Variants in TRAPPC9 observed in about 807,000 individuals in gnomAD.
TRAPPC9 encodes the protein IKK2 binding protein.
A neutral mutation model predicts 124.0 loss-of-function variants in TRAPPC9; 83 were observed. That is an observed-to-expected ratio of 0.67 (90% CI 0.56 to 0.80). The LOEUF is 0.80. Among genes scored for constraint, TRAPPC9 ranks in the 30% least tolerant of loss-of-function variants. The pLI, the probability that TRAPPC9 is intolerant of heterozygous loss-of-function variation, is 0.00. For synonymous variants in TRAPPC9, 638 were observed against 617.5 expected (o/e 1.03, Z -0.49); for missense variants, 1,302 against 1,508.3 (o/e 0.86, Z 2.27).
At chr8:140,455,605 A>G (rs1216899171) in intron 1 of TRAPPC9, among the ~76,000 whole-genome samples, 2 of 150,766 alleles carry the variant, frequency 1.3e-5, no homozygotes, top group South Asian at 2.1e-4. Context: ...TAATTTTTGT[A>G]TTTTTAGTAG....
intron 7 of TRAPPC9, among the ~76,000 whole-genome samples, chr8:140,382,497 G>A (rs535805092): frequency 3.2e-4 from 49 of 152,296 alleles, no homozygotes; most frequent in Non-Finnish European, 5.1e-4. Flanking sequence ...ATTATATCCC[G>A]CGCATGGCTG....
intron 16 of TRAPPC9, among the ~76,000 whole-genome samples, chr8:140,235,716 T>G (rs911413234): frequency 1.3e-5 from 2 of 152,196 alleles, no homozygotes; most frequent in African/African-American, 4.8e-5. Flanking sequence ...AAGAACCACT[T>G]TGAAAATCTG....
At chr8:140,217,561 A>C (rs530139909) in intron 17 of TRAPPC9, among the ~76,000 whole-genome samples, 1 of 151,976 alleles carries the variant, frequency 6.6e-6, no homozygotes, top group East Asian at 1.9e-4. Flanking sequence ...AGCATAATAC[A>C]AATAAATATA....
At chr8:139,978,791 C>T (rs1430736755) in intron 19 of TRAPPC9, among the ~76,000 whole-genome samples, 1 of 152,212 alleles carries the variant, frequency 6.6e-6, no homozygotes, top group Non-Finnish European at 1.5e-5. Flanking sequence ...GCGGGTGTGG[C>T]TGGGATTCTC....
intron 17 of TRAPPC9, among the ~76,000 whole-genome samples, chr8:140,197,929 G>A (rs548932739): frequency 3.2e-4 from 48 of 152,302 alleles, no homozygotes; most frequent in African/African-American, 1.1e-3. Flanking sequence ...GAGAAGGCTA[G>A]TTTTCCCCAG....
At chr8:140,438,494 T>G (rs1467490410) in intron 3 of TRAPPC9, among the ~76,000 whole-genome samples, 1 of 152,074 alleles carries the variant, frequency 6.6e-6, no homozygotes, top group African/African-American at 2.4e-5. Flanking sequence ...CAAGGTATAC[T>G]AAGAACAGAG....
intron 10 of TRAPPC9, among the ~76,000 whole-genome samples, chr8:140,308,890 AAAG>A (rs2066215503): frequency 1.3e-5 from 2 of 152,044 alleles, no homozygotes; most frequent in African/African-American, 4.8e-5. Context: ...CAAAAAAAAA[AAAG>A]AAAGAAAGAA....
At chr8:140,107,621 G>A (rs1474236044) in intron 17 of TRAPPC9, among the ~76,000 whole-genome samples, 1 of 152,226 alleles carries the variant, frequency 6.6e-6, no homozygotes, top group Non-Finnish European at 1.5e-5. Context: ...GGAGGAGAAA[G>A]CCAGTGCAAG....
intron 21 of TRAPPC9, among the ~76,000 whole-genome samples, chr8:139,778,063 G>GA (rs1018899588): frequency 6.6e-6 from 1 of 152,128 alleles, no homozygotes; most frequent in African/African-American, 2.4e-5. Flanking sequence ...GCAAGACACT[G>GA]AAAGTACCCA....
Position 140,360,147 on chromosome 8 carries a change from T to C in TRAPPC9, c.1398A>G (p.Glu466=), listed in dbSNP as rs372927413. The C allele has an allele frequency of 1.9e-6, 3 of 1,614,026 alleles. No homozygotes were observed. Among genetic ancestry groups the C allele is most frequent in the Non-Finnish European group, 2.5e-6 (3 of 1,180,040 alleles). Residue 466 remains glutamate, a synonymous_variant, in exon 9 of 23, where the codon GAA becomes GAG. Coordinates refer to ENST00000438773, the MANE Select transcript of TRAPPC9 (RefSeq NM_001160372.4). ...WAAVQMRLLH[E]LVYASRRMGN... ...CCATCCTTCGGGAGGCGTAGACCAA[T>C]TCATGGAGCAAACGCATCTGGACCG...
chr8:140,186,886 T>C (rs1033100452), intron 17 of TRAPPC9, among the ~76,000 whole-genome samples: 1 of 152,172 alleles, frequency 6.6e-6, no homozygotes, highest in Non-Finnish European at 1.5e-5. Context: ...TTTTTTTGAA[T>C]CAAGCAAATC....
chr8:140,335,582 T>C (rs538849794), intron 9 of TRAPPC9, among the ~76,000 whole-genome samples: 6 of 152,166 alleles, frequency 3.9e-5, no homozygotes, highest in Admixed American at 1.3e-4. Context: ...CCAGCCTTCA[T>C]TGGGAAACTG....
chr8:140,431,448 A>G (rs1025690428), intron 4 of TRAPPC9, among the ~76,000 whole-genome samples: 1 of 152,060 alleles, frequency 6.6e-6, no homozygotes, highest in African/African-American at 2.4e-5. Context: ...TCTGTCTCAA[A>G]AAAAAAAATA....
intron 9 of TRAPPC9, among the ~76,000 whole-genome samples, chr8:140,321,195 G>A (rs1264970901): frequency 2.0e-5 from 3 of 152,226 alleles, no homozygotes; most frequent in Admixed American, 6.5e-5. Flanking sequence ...CCGGCAGAGC[G>A]CTCCAGGCAG....
intron 17 of TRAPPC9, among the ~76,000 whole-genome samples, chr8:140,165,989 G>C (rs996045022): frequency 6.6e-6 from 1 of 152,174 alleles, no homozygotes; most frequent in Non-Finnish European, 1.5e-5. Flanking sequence ...GGAGCAGCCA[G>C]GGTGCCCTGA....
At position 139,908,105 on chromosome 8, in the gene TRAPPC9, C is replaced by A. The variant is rs181248491; in HGVS notation, c.2964+2042G>T. 1.1e-4 allele frequency among the ~76,000 whole-genome samples: 16 copies of A among 152,252 alleles called. No individual in the cohort carries two copies. In the East Asian group the frequency reaches 1.9e-3, roughly 18 times the overall value. ...CCCCTGTGTGCCCAGCACAATGAGGCCCTGGGAGGGGAGGGGAGGGCTCAA... is the reference window on the plus strand; with the variant it reads ...CCCCTGTGTGCCCAGCACAATGAGGACCTGGGAGGGGAGGGGAGGGCTCAA... On this transcript the variant is annotated intron_variant, in intron 20 of 22. Transcript: ENST00000438773.
chr8:140,398,521 C>G (rs1365489976), intron 6 of TRAPPC9, among the ~76,000 whole-genome samples: 1 of 152,160 alleles, frequency 6.6e-6, no homozygotes, highest in African/African-American at 2.4e-5. Flanking sequence ...TTGTTGGGAA[C>G]TGGAGCAAAG....
chr8:140,143,987 C>A (rs964920124), intron 17 of TRAPPC9, among the ~76,000 whole-genome samples: 1 of 152,222 alleles, frequency 6.6e-6, no homozygotes, highest in Non-Finnish European at 1.5e-5. Flanking sequence ...TAGTGCATAT[C>A]AAACTTCTCT....
At chr8:140,122,048 TCTCC>T (rs1308415277) in intron 17 of TRAPPC9, among the ~76,000 whole-genome samples, 4 of 151,704 alleles carry the variant, frequency 2.6e-5, no homozygotes, top group African/African-American at 9.7e-5. Flanking sequence ...TCTCTCTCTC[TCTCC>T]CTTTCTCCCT....
Sources: allele counts gnomAD v4.1 joint callset (sites outside exome capture counted in the v4.1 genomes callset), GRCh38; gene constraint gnomAD v4.1.1; transcripts MANE v1.5; gene names NCBI Gene and HGNC (gene_info 2026-07-23, HGNC 2026-07-21).